TMEM40: variants seen among roughly 807,000 people sequenced by gnomAD.
TMEM40 encodes the protein transmembrane protein 40.
Under a neutral mutation model 40.8 loss-of-function variants are expected in TMEM40, and 34 were observed. The ratio of observed to expected loss-of-function variants is 0.83; its 90% CI spans 0.63 to 1.11. TMEM40 has a LOEUF of 1.11. TMEM40 is among the 50% of genes least tolerant of loss of function. The pLI is 0.00. For synonymous variants in TMEM40, 106 were observed against 107.0 expected (o/e 0.99, Z 0.06); for missense variants, 296 against 280.2 (o/e 1.06, Z -0.40).
At chr3:12,755,068 CTTCTTTCT>C (rs2061508958) in intron 1 of TMEM40, among the ~76,000 whole-genome samples, 1 of 136,390 alleles carries the variant, frequency 7.3e-6, no homozygotes, top group Non-Finnish European at 1.5e-5. Flanking sequence ...TCCTTCTTTC[CTTCTTTCT>C]TTCCTCTCTC....
chr3:12,737,937 C>G, intron 7 of TMEM40, 183 bp from the exon 8 acceptor site: 1 of 916,812 alleles, frequency 1.1e-6, no homozygotes, highest in South Asian at 1.4e-5. Context: ...CACTGACTTC[C>G]TCCTCCTTCC....
chr3:12,735,561 G>C lies in TMEM40; in HGVS notation c.676C>G (p.Leu226Val), dbSNP rs1323328731. 2 of 1,613,660 alleles carry C rather than the reference G, an allele frequency of 1.2e-6. No individual in the cohort carries two copies. Among genetic ancestry groups the C allele is most frequent in the Non-Finnish European group, 1.7e-6 (2 of 1,179,852 alleles). Residue 226 changes from leucine (L) to valine (V), a missense_variant, in exon 11 of 12, where the codon CTG (leucine) becomes GTG (valine). Coordinates refer to ENST00000314124, the MANE Select transcript of TMEM40 (RefSeq NM_018306.4). The part of the protein sequence containing the change: ...GFIPLFQKFR[L>V]TGFRKTD Reference sequence around the variant, plus strand: ...GGAAGACTTTAAAAGTTACCTGTCAGCCTAAACTTCTGGAAGAGGGGGATG... The same window carrying C: ...GGAAGACTTTAAAAGTTACCTGTCACCCTAAACTTCTGGAAGAGGGGGATG...
rs1231393121 is a variant in TMEM40 at position 12,768,908 on chromosome 3, G to A, written c.-9+343C>T. 3.7e-4 allele frequency among the ~76,000 whole-genome samples: 10 copies of A among 27,160 alleles called. 1 individual carries two copies. Among genetic ancestry groups the A allele is most frequent in the African/African-American group, 2.4e-3 (9 of 3,752 alleles). 17.8% of individuals were successfully genotyped at this position (27,160 alleles called of 152,430 possible). ...ATGGCGGGGCGGGGCGGGGCAGGGC[G>A]GGCCGGGGCCGGGGCCGGGGCGGGG... On this transcript the variant is annotated intron_variant, in intron 1 of 11. Transcript: ENST00000264728.
intron 1 of TMEM40, among the ~76,000 whole-genome samples, chr3:12,755,087 TTCCC>T (rs753092293): frequency 8.8e-5 from 13 of 147,386 alleles, no homozygotes; most frequent in African/African-American, 1.5e-4. Flanking sequence ...TTCCTCTCTC[TTCCC>T]TCCCTCCCTC....
intron 1 of TMEM40, chr3:12,769,182 C>A: frequency 3.0e-6 from 1 of 330,056 alleles, no homozygotes; most frequent in Non-Finnish European, 6.6e-6. Flanking sequence ...CCAAGCCCAC[C>A]CGGAACTGTA....
rs1237868039 is a variant in TMEM40 at position 12,733,741 on chromosome 3, T to C, written c.*1033A>G. ...GCATGGTGACCATAGTTAATAACAA[T>C]GTATTGTATACTTTGCAAATTGCTG... On this transcript the variant is annotated 3_prime_UTR_variant, in exon 12 of 12. Transcript: ENST00000314124. The C allele has an allele frequency of 3.9e-5, 6 of 152,230 alleles. No homozygotes were observed. Among genetic ancestry groups the C allele is most frequent in the Admixed American group, 2.0e-4 (3 of 15,284 alleles). The allele number at this position is 152,230 out of a possible 1,614,324, so 9.4% of individuals were successfully genotyped here. A position where few individuals can be genotyped will look rare whatever the true frequency, so the allele number is the denominator to read the frequency against.
intron 3 of TMEM40, among the ~76,000 whole-genome samples, chr3:12,745,128 C>G (rs1177576499): frequency 2.0e-5 from 3 of 152,030 alleles, no homozygotes; most frequent in African/African-American, 7.3e-5. Context: ...GGCGTGATCT[C>G]AGCTCACTGC....
chr3:12,750,026 T>A (rs976180439), intron 1 of TMEM40, among the ~76,000 whole-genome samples, 186 bp from the exon 2 acceptor site: 1 of 150,900 alleles, frequency 6.6e-6, no homozygotes, highest in Non-Finnish European at 1.5e-5. Context: ...GGGAGGAGGG[T>A]TAAGGGAGTG....
intron 11 of TMEM40, among the ~76,000 whole-genome samples, 160 bp downstream of exon 11, chr3:12,735,395 G>A (rs1371278107): frequency 6.6e-6 from 1 of 152,172 alleles, no homozygotes; most frequent in African/African-American, 2.4e-5. Context: ...AGGCTACACG[G>A]CTCATCCAGG....
chr3:12,744,377 C>T (rs188819034), intron 3 of TMEM40, among the ~76,000 whole-genome samples: 15 of 151,426 alleles, frequency 9.9e-5, no homozygotes, highest in African/African-American at 3.7e-4. Flanking sequence ...GTGTCTCCCA[C>T]CCCCCTGGAA....
chr3:12,755,038 C>T (rs2061508630), intron 1 of TMEM40, among the ~76,000 whole-genome samples: 1 of 146,336 alleles, frequency 6.8e-6, no homozygotes, highest in African/African-American at 2.5e-5. Context: ...CTCCCTCCCT[C>T]CTTTCTTTCT....
At chr3:12,767,057 A>G (rs1190554329) in intron 1 of TMEM40, among the ~76,000 whole-genome samples, 1 of 152,230 alleles carries the variant, frequency 6.6e-6, no homozygotes, top group Non-Finnish European at 1.5e-5. Flanking sequence ...CTATGTCCAG[A>G]AAATATGCAC....
intron 1 of TMEM40, among the ~76,000 whole-genome samples, chr3:12,757,241 G>A (rs1461284496): frequency 3.3e-5 from 5 of 151,918 alleles, no homozygotes; most frequent in South Asian, 2.1e-4. Flanking sequence ...AGGCTGAGGC[G>A]GGCGGATCAC....
Position 12,744,021 on chromosome 3 carries a change from G to C in TMEM40, c.212-32C>G, listed in dbSNP as rs11920010. 4,953 of 1,601,640 alleles carry C rather than the reference G, an allele frequency of 3.1e-3. 18 individuals are homozygous for C. Among genetic ancestry groups the C allele is most frequent in the South Asian group, 5.9e-3 (520 of 88,716 alleles). The stretch of plus-strand genomic sequence containing the variant: ...GTAACAAACACAAGCTGTAGGAGAA[G>C]CTCAGCCTGGAACAAGCTGGGAATG... On this transcript the variant is annotated intron_variant, in intron 3 of 11. Transcript: ENST00000314124.
At chr3:12,768,938 G>GTGGGGC (rs1559538178) in intron 1 of TMEM40, among the ~76,000 whole-genome samples, 1 of 39,294 alleles carries the variant, frequency 2.5e-5, no homozygotes, top group Admixed American at 1.9e-4. Context: ...GCGGGGCGGG[G>GTGGGGC]GGGGCGGGGG....
chr3:12,754,313 A>AAACAAC (rs60803748), intron 1 of TMEM40, among the ~76,000 whole-genome samples: 1 of 151,852 alleles, frequency 6.6e-6, no homozygotes, highest in African/African-American at 2.4e-5. Context: ...TTCCGTCTCA[A>AAACAAC]AACAACAACA....
intron 1 of TMEM40, among the ~76,000 whole-genome samples, chr3:12,751,838 T>C (rs1310287592): frequency 2.6e-5 from 4 of 152,158 alleles, no homozygotes; most frequent in Non-Finnish European, 5.9e-5. Flanking sequence ...GAAAGAGAGC[T>C]GCTGGCTGAT....
chr3:12,738,617 T>A, intron 5 of TMEM40, 29 bp from the exon 6 acceptor site: 1 of 1,605,494 alleles, frequency 6.2e-7, no homozygotes, highest in Non-Finnish European at 8.5e-7. Flanking sequence ...AGTGATCATA[T>A]ACCCATGATC....
At chr3:12,737,868 G>T in intron 7 of TMEM40, 114 bp from the exon 8 acceptor site, 1 of 1,139,644 alleles carries the variant, frequency 8.8e-7, no homozygotes, top group Non-Finnish European at 1.3e-6. Flanking sequence ...CTGGGTCAGA[G>T]GGCACTCACT....
Sources: allele counts gnomAD v4.1 joint callset (sites outside exome capture counted in the v4.1 genomes callset), GRCh38; gene constraint gnomAD v4.1.1; transcripts MANE v1.5; gene names NCBI Gene and HGNC (gene_info 2026-07-23, HGNC 2026-07-21).